Variants in UFSP2 observed in about 807,000 individuals in gnomAD.
UFSP2 encodes the protein ufm1-specific protease 2.
UFSP2 carries 43 observed loss-of-function variants against 60.2 expected under a neutral mutation model. That is an observed-to-expected ratio of 0.71 (90% CI 0.56 to 0.92). The LOEUF is 0.92. Among genes scored for constraint, UFSP2 ranks in the 40% least tolerant of loss-of-function variants. The probability of loss-of-function intolerance (pLI) is 0.00; values close to 1 mark genes in which losing one functional copy is unlikely to be tolerated. For synonymous variants in UFSP2, 183 were observed against 195.1 expected (o/e 0.94, Z 0.52); for missense variants, 520 against 575.0 (o/e 0.90, Z 0.98).
chr4:185,418,548 G>A (rs777010519), intron 3 of UFSP2, 39 bp downstream of exon 3: 1 of 1,610,110 alleles, frequency 6.2e-7, no homozygotes, highest in Non-Finnish European at 8.5e-7. Context: ...ATGAAATGAT[G>A]TTTTGAAAAC....
chr4:185,414,422 T>C (rs1229709875), intron 6 of UFSP2, among the ~76,000 whole-genome samples: 1 of 152,174 alleles, frequency 6.6e-6, no homozygotes, highest in Non-Finnish European at 1.5e-5. Context: ...AAACATGTAA[T>C]AGGTATTTTA....
rs545933468 is a variant in UFSP2, at chr4:185,404,519, G to A, written c.1199-901C>T. ...TTTCACTGTTAGCCAGGATGGTCTC[G>A]ATCTCCTGACCTCGTGATCGACCCA... On this transcript the variant is annotated intron_variant, in intron 10 of 11. Transcript: ENST00000264689. 4.6e-5 allele frequency among the ~76,000 whole-genome samples: 7 copies of A among 151,844 alleles called. 1 individual carries two copies. The highest frequency in any genetic ancestry group is 1.7e-4 in the African/African-American group (7 of 41,408).
intron 9 of UFSP2, 38 bp downstream of exon 9, chr4:185,407,898 T>C (rs775966481): frequency 1.3e-6 from 2 of 1,580,742 alleles, no homozygotes; most frequent in Admixed American, 3.6e-5. Flanking sequence ...AGACTGTCAC[T>C]TTGAAATGAT....
chr4:185,414,185 G>A (rs2095534404), intron 6 of UFSP2, among the ~76,000 whole-genome samples: 1 of 152,058 alleles, frequency 6.6e-6, no homozygotes, highest in African/African-American at 2.4e-5. Flanking sequence ...AATACATCCA[G>A]GCTAAAGACT....
chr4:185,410,141 TAAAAC>T (rs1373766922), intron 7 of UFSP2, among the ~76,000 whole-genome samples: 3 of 150,662 alleles, frequency 2.0e-5, no homozygotes, highest in African/African-American at 7.3e-5. Context: ...AGAAACCAGT[TAAAAC>T]AAGAAGAAAA....
intron 1 of UFSP2, among the ~76,000 whole-genome samples, chr4:185,424,931 G>C (rs762529591): frequency 2.6e-5 from 4 of 152,216 alleles, no homozygotes; most frequent in African/African-American, 9.6e-5. Flanking sequence ...GATACTCTCT[G>C]AAGAAATAAT....
chr4:185,415,588 C>T, intron 5 of UFSP2, 122 bp downstream of exon 5: 3 of 945,338 alleles, frequency 3.2e-6, no homozygotes, highest in East Asian at 2.6e-5. Flanking sequence ...TAATAGATGG[C>T]TCTTAGGTTA....
In UFSP2 at chr4:185,408,066, T is replaced by C. The variant is rs6854344; in HGVS notation, c.997-6A>G. On this transcript the variant is annotated splice_region_variant and splice_polypyrimidine_tract_variant and intron_variant, in intron 8 of 11. Transcript: ENST00000264689. ...TCCCCGGCATCGACTAGAGCCTTGATGTATTTAAAAATATAAAACATCCAT... is the reference window on the plus strand; with the variant it reads ...TCCCCGGCATCGACTAGAGCCTTGACGTATTTAAAAATATAAAACATCCAT... 89,313 of 1,612,868 alleles carry C rather than the reference T, an allele frequency of 0.055. 3,992 individuals carry two copies. The highest frequency in any genetic ancestry group is 0.23 in the African/African-American group (17,523 of 74,950).
intron 2 of UFSP2, among the ~76,000 whole-genome samples, chr4:185,421,574 T>C (rs2153294710): frequency 6.6e-6 from 1 of 152,290 alleles, no homozygotes; most frequent in Non-Finnish European, 1.5e-5. Flanking sequence ...CTCCTTTGCC[T>C]TCCACCATGA....
chr4:185,419,566 C>T (rs1466223430), intron 2 of UFSP2, among the ~76,000 whole-genome samples: 3 of 152,202 alleles, frequency 2.0e-5, no homozygotes, highest in Non-Finnish European at 2.9e-5. Context: ...CATCCAGCTT[C>T]CTTTGCAAAA....
intron 11 of UFSP2, among the ~76,000 whole-genome samples, chr4:185,402,967 T>C (rs1413470012): frequency 6.6e-6 from 1 of 152,226 alleles, no homozygotes; most frequent in Non-Finnish European, 1.5e-5. Flanking sequence ...TAGTTGCCTA[T>C]GAATTAACAA....
At chr4:185,422,715 C>A in intron 1 of UFSP2, 152 bp from the exon 2 acceptor site, 9 of 640,098 alleles carry the variant, frequency 1.4e-5, no homozygotes, top group Admixed American at 3.6e-5. Flanking sequence ...ATAGAAAAAA[C>A]AAAAACAAAA....
rs917385483 is a variant in UFSP2, at chr4:185,425,940, T to A, written c.-72A>T. On this transcript the variant is annotated 5_prime_UTR_variant, in exon 1 of 12. Transcript: ENST00000264689. ...TCCGGGGGCCGGCCCTGAAGTGGTG[T>A]CACCGCACGGCCCAGGGGCGGGGCC... The A allele has an allele frequency of 2.6e-6, 4 of 1,540,682 alleles. No individual in the cohort carries two copies. Among genetic ancestry groups the A allele is most frequent in the African/African-American group, 2.7e-5 (2 of 73,350 alleles).
Position 185,418,457 on chromosome 4 carries a change from T to C in UFSP2, c.317A>G (p.Lys106Arg), listed in dbSNP as rs138910496. Reference sequence around the variant, plus strand: ...TTTGCTTACCATGTCTGATAACTTTTTGTCCTTCTTTCTCATGAATTTTCT... The same window carrying C: ...TTTGCTTACCATGTCTGATAACTTTCTGTCCTTCTTTCTCATGAATTTTCT... ...IKRKFMRKKD[K>R]KLSDMHQIVN... The change falls in exon 4 of 12, where the codon AAA becomes AGA. Residue 106 changes from lysine (K) to arginine (R), a missense_variant. Transcript: ENST00000264689. 45 of 1,608,644 alleles carry C rather than the reference T, an allele frequency of 2.8e-5. No homozygotes were observed. The African/African-American group carries it at 4.9e-4, about 18-fold the overall frequency.
intron 10 of UFSP2, among the ~76,000 whole-genome samples, chr4:185,405,024 G>A (rs79994269): frequency 1.7e-5 from 1 of 59,312 alleles, no homozygotes; most frequent in Non-Finnish European, 3.9e-5. Context: ...TTTTTCTTTT[G>A]AGACAGTGTC....
At chr4:185,413,973 G>A in intron 6 of UFSP2, 101 bp from the exon 7 acceptor site, 1 of 1,069,340 alleles carries the variant, frequency 9.4e-7, no homozygotes, top group Non-Finnish European at 1.3e-6. Context: ...TTATATATAG[G>A]TTATAAAAGT....
chr4:185,425,927 C>T lies in UFSP2; in HGVS notation c.-59G>A. 6.4e-7 allele frequency: 1 copy of T among 1,564,316 alleles called. No homozygotes were observed. Among genetic ancestry groups the T allele is most frequent in the Middle Eastern group, 1.7e-4 (1 of 5,996 alleles). On this transcript the variant is annotated 5_prime_UTR_variant, in exon 1 of 12. Transcript: ENST00000264689. ...CCTGCCCAAAAGTTCCGGGGGCCGG[C>T]CCTGAAGTGGTGTCACCGCACGGCC...
chr4:185,401,165 A>G (rs922789078), intron 11 of UFSP2, among the ~76,000 whole-genome samples: 1 of 152,220 alleles, frequency 6.6e-6, no homozygotes, highest in African/African-American at 2.4e-5. Flanking sequence ...AAGGAGGCTG[A>G]GACTCTGAAA....
At chr4:185,422,372 A>G in intron 2 of UFSP2, 113 bp downstream of exon 2, 2 of 797,562 alleles carry the variant, frequency 2.5e-6, no homozygotes, top group Non-Finnish European at 4.1e-6. Context: ...CTTACTAACA[A>G]TATAATCTTA....
Sources: gnomAD v4.1 joint callset for allele counts (sites outside exome capture counted in the v4.1 genomes callset) on GRCh38, gnomAD v4.1.1 for gene constraint, MANE v1.5 for transcripts, NCBI Gene and HGNC (gene_info 2026-07-23, HGNC 2026-07-21) for gene names.